FANCA: variants seen among roughly 807,000 people sequenced by gnomAD.
FANCA encodes the protein Fanconi anemia group A protein.
FANCA carries 236 observed loss-of-function variants against 194.3 expected under a neutral mutation model. That is an observed-to-expected ratio of 1.21 (90% CI 1.09 to 1.35). FANCA has a LOEUF of 1.35. FANCA is among the 40% of genes most tolerant of loss of function. FANCA has a pLI of 0.00. For synonymous variants in FANCA, 1,014 were observed against 715.8 expected, an observed-to-expected ratio of 1.42 and a Z score of -6.65; for missense variants, 2,628 against 1,813.9, an observed-to-expected ratio of 1.45 and a Z score of -8.15.
At chr16:89,769,600 T>G in intron 26 of FANCA, 1 of 581,818 alleles carries the variant, frequency 1.7e-6, no homozygotes, top group East Asian at 3.0e-5. Flanking sequence ...TACTATCTAC[T>G]ATTAATTTCA....
chr16:89,743,778 G>A (rs12445480), intron 36 of FANCA, among the ~76,000 whole-genome samples: 63,039 of 151,894 alleles, frequency 0.42, 14,459 homozygotes, highest in East Asian at 0.76. Context: ...AGCCGAGATC[G>A]TGCCATCTCA....
At chr16:89,813,410 A>T (rs1301343104) in intron 3 of FANCA, among the ~76,000 whole-genome samples, 1 of 41,106 alleles carries the variant, frequency 2.4e-5, no homozygotes, top group Non-Finnish European at 4.2e-5. Context: ...CCTGTCTGTT[A>T]AAAAAAAAAA....
At chr16:89,799,303 G>T in intron 9 of FANCA, 71 bp from the exon 10 acceptor site, 1 of 1,582,048 alleles carries the variant, frequency 6.3e-7, no homozygotes. Flanking sequence ...CAATCCCCAG[G>T]CGCTTTCAGA....
intron 30 of FANCA, among the ~76,000 whole-genome samples, chr16:89,753,661 C>A (rs991032746): frequency 6.6e-6 from 1 of 152,096 alleles, no homozygotes; most frequent in African/African-American, 2.4e-5. Context: ...CCACAGCAAA[C>A]GTCAGATTTA....
intron 33 of FANCA, 32 bp downstream of exon 33, chr16:89,748,627 A>G: frequency 6.5e-7 from 1 of 1,539,488 alleles, no homozygotes; most frequent in South Asian, 1.1e-5. Context: ...GCACTGACAG[A>G]TCGGACGGAC....
intron 14 of FANCA, among the ~76,000 whole-genome samples, chr16:89,785,840 C>T (rs1053178668): frequency 3.4e-5 from 5 of 145,722 alleles, no homozygotes; most frequent in Non-Finnish European, 5.9e-5. Context: ...TTTCTGAAAG[C>T]GTGCAAAATT....
At chr16:89,745,389 G>T (rs1423917130) in intron 35 of FANCA, among the ~76,000 whole-genome samples, 1 of 118,224 alleles carries the variant, frequency 8.5e-6, no homozygotes, top group Non-Finnish European at 1.7e-5. Context: ...AGCTGGGAAT[G>T]AAACAGTGAA....
rs1567660402 is a variant in FANCA at position 89,816,628 on chromosome 16, T to C, written c.-13A>G. On this transcript the variant is annotated 5_prime_UTR_variant, in exon 1 of 43. Coordinates refer to ENST00000389301, the MANE Select transcript of FANCA (RefSeq NM_000135.4). ...ACGAGTCGGACATGGCCTTGGCGCC[T>C]ACAGCCCCGGCGGCGGCTCCCTGCG... 2.6e-6 allele frequency: 4 copies of C among 1,519,266 alleles called. No homozygotes were observed. The highest frequency in any genetic ancestry group is 4.0e-5 in the Admixed American group (2 of 50,014). 94.1% of individuals were successfully genotyped at this position (1,519,266 alleles called of 1,614,324 possible).
At chr16:89,783,233 G>T in intron 15 of FANCA, 131 bp from the exon 16 acceptor site, 1 of 735,650 alleles carries the variant, frequency 1.4e-6, no homozygotes, top group Non-Finnish European at 2.5e-6. Flanking sequence ...AGACTTATGA[G>T]TATGCAAAGC....
At chr16:89,752,000 G>C (rs1010989173) in intron 31 of FANCA, 138 bp downstream of exon 31, 1 of 783,052 alleles carries the variant, frequency 1.3e-6, no homozygotes, top group Non-Finnish European at 2.3e-6. Context: ...TCGATCTCCT[G>C]ACTGTGTGAT....
At chr16:89,802,636 C>G (rs2040496120) in intron 8 of FANCA, among the ~76,000 whole-genome samples, 1 of 151,944 alleles carries the variant, frequency 6.6e-6, no homozygotes, top group African/African-American at 2.4e-5. Flanking sequence ...ATCTCCTGAC[C>G]TTGTGATCCG....
chr16:89,813,012 G>A (rs1326671135), intron 3 of FANCA, among the ~76,000 whole-genome samples: 1 of 144,844 alleles, frequency 6.9e-6, no homozygotes, highest in African/African-American at 2.6e-5. Context: ...CAGCCTGGGC[G>A]ACAGAGCAAC....
At position 89,810,666 on chromosome 16, in the gene FANCA, C is replaced by G. The variant is rs746527044; in HGVS notation, c.522+41G>C. 5.4e-6 allele frequency: 7 copies of G among 1,293,588 alleles called. No individual in the cohort carries two copies. In the Admixed American group the frequency reaches 1.0e-4, roughly 19 times the overall value. 80.1% of individuals were successfully genotyped at this position (1,293,588 alleles called of 1,614,324 possible). A position where few individuals can be genotyped will look rare whatever the true frequency, so the allele number is the denominator to read the frequency against. ...CTCCATCCAGATCAACAGAACATTG[C>G]CTGGAACACTGGAGAGTCAGATTTG... On this transcript the variant is annotated intron_variant, in intron 5 of 42. Transcript: ENST00000389301.
chr16:89,793,565 T>A (rs2040148742), intron 11 of FANCA, among the ~76,000 whole-genome samples: 2 of 152,162 alleles, frequency 1.3e-5, no homozygotes, highest in African/African-American at 4.8e-5. Context: ...GTGTCCTCGG[T>A]CTCTTGCCTT....
chr16:89,738,473 G>C lies in FANCA; in HGVS notation c.*128C>G. 4 of 1,466,878 alleles carry C rather than the reference G, an allele frequency of 2.7e-6. No individual in the cohort carries two copies. The highest frequency in any genetic ancestry group is 2.4e-5 in the East Asian group (1 of 42,316). The allele number at this position is 1,466,878 out of a possible 1,614,324, so 90.9% of individuals were successfully genotyped here. On this transcript the variant is annotated 3_prime_UTR_variant, in exon 43 of 43. Coordinates refer to ENST00000389301, the MANE Select transcript of FANCA (RefSeq NM_000135.4). ...GGGGCCGGACAGTTCATAAATAATT[G>C]ATTCCTTTCCCCACTAAAGCAGTCG...
intron 17 of FANCA, among the ~76,000 whole-genome samples, chr16:89,781,490 G>A (rs1320007586): frequency 1.3e-5 from 2 of 150,218 alleles, no homozygotes; most frequent in African/African-American, 4.9e-5. Flanking sequence ...TGGATAACAT[G>A]GTGAAACCCC....
intron 20 of FANCA, 149 bp downstream of exon 20, chr16:89,778,652 A>G (rs1381757087): frequency 1.9e-5 from 13 of 678,192 alleles, no homozygotes; most frequent in African/African-American, 1.3e-4. Context: ...AAAAAAAAAA[A>G]AAAAAGTAAC....
chr16:89,741,362 T>C (rs2062129008), intron 37 of FANCA, among the ~76,000 whole-genome samples: 1 of 152,198 alleles, frequency 6.6e-6, no homozygotes, highest in Non-Finnish European at 1.5e-5. Context: ...GAAGACGTAC[T>C]CAGAAGAACC....
At chr16:89,791,208 A>T in intron 14 of FANCA, 195 bp downstream of exon 14, 1 of 690,006 alleles carries the variant, frequency 1.4e-6, no homozygotes, top group Admixed American at 2.3e-5. Context: ...GCAGAGGAAG[A>T]TCCGCTGAGG....
Sources: allele counts gnomAD v4.1 joint callset (sites outside exome capture counted in the v4.1 genomes callset), GRCh38; gene constraint gnomAD v4.1.1; transcripts MANE v1.5; gene names NCBI Gene and HGNC (gene_info 2026-07-23, HGNC 2026-07-21).